DACH2: variants seen among roughly 807,000 people sequenced by gnomAD.
DACH2 encodes the protein dachshund family transcription factor 2, also known as dachshund homolog 2.
Under a neutral mutation model 35.8 loss-of-function variants are expected in DACH2, and 17 were observed. The observed-to-expected ratio is 0.48, with a 90% CI of 0.33 to 0.71. The LOEUF is 0.71. Among genes scored for constraint, DACH2 ranks in the 30% least tolerant of loss-of-function variants. DACH2 has a pLI of 0.02. For missense variants in DACH2, 469 were observed against 472.7 expected, an observed-to-expected ratio of 0.99 and a Z score of 0.07; for synonymous variants, 195 against 177.3, an observed-to-expected ratio of 1.10 and a Z score of -0.79.
intron 1 of DACH2, among the ~76,000 whole-genome samples, chrX:86,177,736 A>C (rs957932022): frequency 9.0e-6 from 1 of 111,500 alleles, no homozygotes; most frequent in African/African-American, 3.3e-5. Context: ...GAGGGAAGCC[A>C]TATGTAGTAA....
At chrX:86,674,463 G>T (rs1192251442) in intron 4 of DACH2, among the ~76,000 whole-genome samples, 1 of 112,073 alleles carries the variant, frequency 8.9e-6, no homozygotes, top group African/African-American at 3.2e-5. Flanking sequence ...ATCTCGAATT[G>T]ATTCTTATGA....
chrX:86,292,754 C>T (rs1014581466), intron 1 of DACH2, among the ~76,000 whole-genome samples: 3 of 111,808 alleles, frequency 2.7e-5, no homozygotes, highest in African/African-American at 9.8e-5. Context: ...GTTTCTTAAT[C>T]CTGGGTTCTA....
chrX:86,400,487 G>GTTT (rs1318294640), intron 2 of DACH2, among the ~76,000 whole-genome samples: 1 of 111,361 alleles, frequency 9.0e-6, no homozygotes, highest in Non-Finnish European at 1.9e-5. Context: ...TTTCTGCTCT[G>GTTT]TTTTTTCCCC....
At chrX:86,829,772 T>G (rs2042595701) in intron 11 of DACH2, 2 of 112,384 alleles carry the variant, frequency 1.8e-5, no homozygotes, top group African/African-American at 6.4e-5. Flanking sequence ...AATGGTCACA[T>G]TTGTATGTAT....
intron 1 of DACH2, among the ~76,000 whole-genome samples, chrX:86,292,972 G>T (rs1171195376): frequency 6.2e-4 from 62 of 100,559 alleles, no homozygotes; most frequent in African/African-American, 2.3e-3. Context: ...TTTAATTCCT[G>T]GGTATCCTTG....
chrX:86,508,167 A>T (rs1035793996), intron 2 of DACH2, among the ~76,000 whole-genome samples: 9 of 111,919 alleles, frequency 8.0e-5, no homozygotes, highest in African/African-American at 2.6e-4. Flanking sequence ...ATACTTTGTA[A>T]ACTCAAGAAT....
chrX:86,187,023 C>T (rs952155411), intron 1 of DACH2, among the ~76,000 whole-genome samples: 1 of 111,812 alleles, frequency 8.9e-6, no homozygotes, highest in South Asian at 3.7e-4. Context: ...GTCTTCTAGT[C>T]ATTGGATAAT....
intron 3 of DACH2, among the ~76,000 whole-genome samples, chrX:86,598,421 C>T (rs1204160512): frequency 2.7e-5 from 3 of 111,983 alleles, no homozygotes; most frequent in African/African-American, 9.7e-5. Flanking sequence ...GTTGGTATCA[C>T]ACCCAGCTGT....
chrX:86,663,763 A>T (rs1311938178), intron 4 of DACH2, among the ~76,000 whole-genome samples: 1 of 112,007 alleles, frequency 8.9e-6, no homozygotes, highest in Non-Finnish European at 1.9e-5. Flanking sequence ...ATTTGACACC[A>T]TGTCCGCTTA....
chrX:86,228,483 G>A (rs1419844770), intron 1 of DACH2, among the ~76,000 whole-genome samples: 1 of 109,037 alleles, frequency 9.2e-6, no homozygotes, highest in Non-Finnish European at 1.9e-5. Flanking sequence ...AAACCCAGTA[G>A]TGGGTTTGCT....
rs66773650 is a variant in DACH2, at chrX:86,667,614, A to AAGGC, written c.772+16456_772+16459dup. Reference sequence around the variant, plus strand: ...AAAGAAAGAAAGAAAGAAAGAAAGAAAGGCAGGCAGGCCCTGGTCTTAACC... The same window carrying AAGGC: ...AAAGAAAGAAAGAAAGAAAGAAAGAAAGGCAGGCAGGCAGGCCCTGGTCTTAACC... On this transcript the variant is annotated intron_variant, in intron 4 of 11. Coordinates refer to ENST00000373125, the MANE Select transcript of DACH2 (RefSeq NM_053281.3). Among the ~76,000 whole-genome samples, 258 of 96,750 alleles carry AAGGC rather than the reference A, an allele frequency of 2.7e-3. 3 individuals carry two copies. Among genetic ancestry groups the AAGGC allele is most frequent in the East Asian group, 0.023 (60 of 2,622 alleles). The allele number at this position is 96,750 out of a possible 115,157, so 84.0% of individuals were successfully genotyped here. A position where few individuals can be genotyped will look rare whatever the true frequency, so the allele number is the denominator to read the frequency against.
chrX:86,516,662 G>A (rs1363211212), intron 3 of DACH2, among the ~76,000 whole-genome samples: 3 of 109,312 alleles, frequency 2.7e-5, no homozygotes, highest in African/African-American at 6.6e-5. Context: ...TTCATCACCC[G>A]GGTATTAAGC....
chrX:86,541,848 C>T (rs2038887935), intron 3 of DACH2, among the ~76,000 whole-genome samples: 1 of 111,094 alleles, frequency 9.0e-6, no homozygotes, highest in African/African-American at 3.3e-5. Flanking sequence ...AAGGTATCTG[C>T]CATAAATGTT....
chrX:86,514,234 G>C (rs2038434745), intron 2 of DACH2, 45 bp from the exon 3 acceptor site: 2 of 1,087,545 alleles, frequency 1.8e-6, no homozygotes. Context: ...TTCTCAAAAA[G>C]AGTACATTTT....
chrX:86,667,545 G>GAAAGAAAGAAGAAAGA (rs1556364144), intron 4 of DACH2, among the ~76,000 whole-genome samples: 6 of 31,348 alleles, frequency 1.9e-4, no homozygotes, highest in East Asian at 1.1e-3. Flanking sequence ...AAGAAAGAAA[G>GAAAGAAAGAAGAAAGA]AAGAAAGAAA....
At chrX:86,401,805 A>T (rs1326540727) in intron 2 of DACH2, among the ~76,000 whole-genome samples, 1 of 111,181 alleles carries the variant, frequency 9.0e-6, no homozygotes, top group Non-Finnish European at 1.9e-5. Context: ...TAGTAAATTG[A>T]ATTTGGCAGC....
chrX:86,832,108 G>T lies in DACH2; in HGVS notation c.1753G>T (p.Gly585Cys). The change falls in exon 12 of 12, where the codon GGT (glycine) becomes TGT (cysteine). Residue 585 changes from glycine (G) to cysteine (C), a missense_variant and splice_region_variant. Gly to Cys is a radical substitution (Grantham distance 159). Around this residue, in one of 3 missense-constraint regions of DACH2, gnomAD observed 363 missense variants for 334.4 expected, o/e 1.09. Transcript: ENST00000373125. ...TPHDSAAMQGGNYYCLEMAQQ... is the reference protein window; with the variant it reads ...TPHDSAAMQGCNYYCLEMAQQ... Reference sequence around the variant, plus strand: ...AACTTGTTTTCTTTTTTTTTAAGGAGGTAACTATTACTGTTTAGAAATGGC... The same window carrying T: ...AACTTGTTTTCTTTTTTTTTAAGGATGTAACTATTACTGTTTAGAAATGGC... The T allele has an allele frequency of 4.2e-6, 5 of 1,177,028 alleles. No individual in the cohort carries two copies. The highest frequency in any genetic ancestry group is 5.8e-6 in the Non-Finnish European group (5 of 868,914).
intron 1 of DACH2, among the ~76,000 whole-genome samples, chrX:86,348,975 T>A (rs1471971059): frequency 1.8e-5 from 2 of 112,273 alleles, no homozygotes; most frequent in Non-Finnish European, 3.8e-5. Context: ...CCAGTGGGCA[T>A]GCTACAGTGT....
intron 2 of DACH2, among the ~76,000 whole-genome samples, chrX:86,436,816 A>T (rs2148177993): frequency 8.9e-6 from 1 of 111,992 alleles, no homozygotes; most frequent in East Asian, 2.8e-4. Context: ...CAACTTTAAA[A>T]ATAGATATAG....
Sources: gnomAD v4.1 joint callset for allele counts (sites outside exome capture counted in the v4.1 genomes callset) on GRCh38, gnomAD v4.1.1 for gene constraint, gnomAD v4.1.1 regional missense constraint, MANE v1.5 for transcripts, NCBI Gene and HGNC (gene_info 2026-07-23, HGNC 2026-07-21) for gene names.